Variants in MTSS1 observed in about 807,000 individuals in gnomAD.
The protein encoded by MTSS1 is MTSS I-BAR domain containing 1, also known as protein MTSS 1.
In MTSS1, 18 loss-of-function variants were observed where a neutral mutation model predicts 79.0. The observed-to-expected ratio is 0.23, with a 90% confidence interval of 0.16 to 0.34. The LOEUF (loss-of-function observed/expected upper bound fraction) is 0.34, where lower values mean the gene tolerates loss of function less well. Among genes scored for constraint, MTSS1 ranks in the 10% least tolerant of loss-of-function variants. The probability of loss-of-function intolerance (pLI) is 1.00; values close to 1 mark genes in which losing one functional copy is unlikely to be tolerated. For missense variants in MTSS1, 815 were observed against 986.2 expected, an observed-to-expected ratio of 0.83 and a Z score of 2.33; for synonymous variants, 341 against 368.6, an observed-to-expected ratio of 0.93 and a Z score of 0.86.
intron 10 of MTSS1, chr8:124,558,757 CAG>C: frequency 6.3e-7 from 1 of 1,584,300 alleles, no homozygotes; most frequent in Non-Finnish European, 8.5e-7. Context: ...CCCGAGCTGA[CAG>C]AGGTGGGGGA....
chr8:124,593,925 C>T (rs541408247), intron 3 of MTSS1, among the ~76,000 whole-genome samples: 4 of 152,268 alleles, frequency 2.6e-5, no homozygotes, highest in South Asian at 4.2e-4. Context: ...CACGCTATTA[C>T]GGGTGTTGGT....
At chr8:124,710,488 C>T (rs1239150131) in intron 1 of MTSS1, among the ~76,000 whole-genome samples, 4 of 152,202 alleles carry the variant, frequency 2.6e-5, no homozygotes, top group Admixed American at 1.3e-4. Flanking sequence ...TAGGAGACAC[C>T]GCCGAGTGCC....
intron 3 of MTSS1, among the ~76,000 whole-genome samples, chr8:124,691,507 G>C (rs1827930243): frequency 6.6e-6 from 1 of 152,074 alleles, no homozygotes; most frequent in African/African-American, 2.4e-5. Flanking sequence ...CAGTTTAGAT[G>C]GTTTCAAGAG....
At chr8:124,711,241 TG>T (rs1290879295) in intron 1 of MTSS1, among the ~76,000 whole-genome samples, 1 of 152,060 alleles carries the variant, frequency 6.6e-6, no homozygotes, top group Non-Finnish European at 1.5e-5. Context: ...TTGGTGGAGG[TG>T]GGGCCGTTTA....
chr8:124,627,437 G>C (rs1014792795), intron 3 of MTSS1, among the ~76,000 whole-genome samples: 1 of 152,226 alleles, frequency 6.6e-6, no homozygotes, highest in Non-Finnish European at 1.5e-5. Flanking sequence ...GGCTCACGCA[G>C]GTTAAGTTGC....
chr8:124,591,799 G>T (rs542610667), intron 3 of MTSS1, among the ~76,000 whole-genome samples: 147 of 149,540 alleles, frequency 9.8e-4, no homozygotes, highest in African/African-American at 3.4e-3. Context: ...TTTTTTTTTT[G>T]AGATGGAATC....
intron 3 of MTSS1, among the ~76,000 whole-genome samples, chr8:124,610,475 C>G (rs934201893): frequency 1.3e-5 from 2 of 152,218 alleles, no homozygotes; most frequent in Non-Finnish European, 2.9e-5. Context: ...GGGGAACCTA[C>G]CAAATGGTAT....
At chr8:124,610,260 T>C (rs543096881) in intron 3 of MTSS1, among the ~76,000 whole-genome samples, 3 of 152,174 alleles carry the variant, frequency 2.0e-5, no homozygotes, top group Non-Finnish European at 2.9e-5. Flanking sequence ...TTTTGTGACA[T>C]GGGGCTGATA....
At chr8:124,654,377 T>A (rs1309604441) in intron 3 of MTSS1, among the ~76,000 whole-genome samples, 1 of 152,156 alleles carries the variant, frequency 6.6e-6, no homozygotes, top group Non-Finnish European at 1.5e-5. Flanking sequence ...CATGTTCCCA[T>A]CCACTCTCTC....
chr8:124,603,372 G>A (rs187001475), intron 3 of MTSS1, among the ~76,000 whole-genome samples: 10 of 152,322 alleles, frequency 6.6e-5, no homozygotes, highest in Middle Eastern at 3.4e-3. Context: ...CCTGATGCAC[G>A]CAGGACTTCC....
intron 4 of MTSS1, among the ~76,000 whole-genome samples, chr8:124,590,011 C>A (rs1332720169): frequency 6.6e-6 from 1 of 152,186 alleles, no homozygotes; most frequent in Non-Finnish European, 1.5e-5. Flanking sequence ...AACACATCAC[C>A]ATGCCCAACT....
At chr8:124,634,198 C>T (rs1488741547) in intron 3 of MTSS1, among the ~76,000 whole-genome samples, 3 of 151,910 alleles carry the variant, frequency 2.0e-5, no homozygotes, top group Non-Finnish European at 4.4e-5. Context: ...CAGCCACAAC[C>T]TCCTGGGCGC....
chr8:124,710,646 G>C (rs1311495699), intron 1 of MTSS1, among the ~76,000 whole-genome samples: 1 of 152,146 alleles, frequency 6.6e-6, no homozygotes, highest in African/African-American at 2.4e-5. Context: ...CTATTGAACA[G>C]AGGCCCAGGA....
intron 6 of MTSS1, among the ~76,000 whole-genome samples, chr8:124,574,196 C>T (rs1437482047): frequency 1.3e-5 from 2 of 152,118 alleles, no homozygotes; most frequent in Admixed American, 6.5e-5. Context: ...CTGCCTGCCT[C>T]GGCCTCCCAA....
chr8:124,682,288 C>T (rs1297127142), intron 3 of MTSS1, among the ~76,000 whole-genome samples: 2 of 152,310 alleles, frequency 1.3e-5, no homozygotes, highest in South Asian at 2.1e-4. Flanking sequence ...CCCCCATCTT[C>T]GGCAGCCTCC....
At chr8:124,580,416 TTAGG>T (rs1829823279) in intron 6 of MTSS1, 3 of 886,746 alleles carry the variant, frequency 3.4e-6, no homozygotes, top group Non-Finnish European at 5.1e-6. Flanking sequence ...TTGTGGAAAA[TTAGG>T]TAGGCACAGT....
In MTSS1 at chr8:124,582,290, T is replaced by C. The variant is rs1287805690; in HGVS notation, c.460+2797A>G. Among the ~76,000 whole-genome samples, 3 of 152,150 alleles carry C rather than the reference T, an allele frequency of 2.0e-5. No individual in the cohort carries two copies. The highest frequency in any genetic ancestry group is 4.8e-5 in the African/African-American group (2 of 41,436). On this transcript the variant is annotated intron_variant, in intron 6 of 13. Coordinates refer to ENST00000518547, the MANE Select transcript of MTSS1 (RefSeq NM_014751.6). This position sits in a 1 kb window ranked among gnomAD's most constrained non-coding sequence, Gnocchi z 4.8. ...CATTGAAAGTTTCTTGAAGGAAATA[T>C]TTAAACACCTTTAGATTACAAACCA... is the stretch of plus-strand genomic sequence containing the variant.
At chr8:124,639,787 C>T in intron 3 of MTSS1, among the ~76,000 whole-genome samples, 1 of 152,166 alleles carries the variant, frequency 6.6e-6, no homozygotes. Context: ...CTATGTAGTG[C>T]TATGACTATT....
At chr8:124,656,970 G>T (rs1416583719) in intron 3 of MTSS1, among the ~76,000 whole-genome samples, 1 of 151,998 alleles carries the variant, frequency 6.6e-6, no homozygotes, top group East Asian at 1.9e-4. Flanking sequence ...ACCAGTAAAT[G>T]GCATTTTTAC....
Sources: allele counts gnomAD v4.1 joint callset (sites outside exome capture counted in the v4.1 genomes callset), GRCh38; gene constraint gnomAD v4.1.1; non-coding constraint Gnocchi (gnomAD v3.1); transcripts MANE v1.5; gene names NCBI Gene and HGNC (gene_info 2026-07-23, HGNC 2026-07-21).